Variants in GMDS observed in about 807,000 individuals in gnomAD.
The protein encoded by GMDS is GDP-mannose 4,6-dehydratase.
GMDS carries 20 observed loss-of-function variants against 49.9 expected under a neutral mutation model. The observed-to-expected ratio is 0.40, with a 90% confidence interval of 0.28 to 0.58. The LOEUF (loss-of-function observed/expected upper bound fraction) is 0.58, where lower values mean the gene tolerates loss of function less well. Ranked by LOEUF, GMDS falls within the 20% of genes least tolerant of loss-of-function variation. The probability of loss-of-function intolerance (pLI) is 0.42; values close to 1 mark genes in which losing one functional copy is unlikely to be tolerated. For missense variants in GMDS, 362 were observed against 481.4 expected (o/e 0.75, Z 2.32); for synonymous variants, 177 against 178.6 (o/e 0.99, Z 0.07).
At chr6:1,876,771 T>C (rs1759089563) in intron 7 of GMDS, among the ~76,000 whole-genome samples, 1 of 152,252 alleles carries the variant, frequency 6.6e-6, no homozygotes, top group Admixed American at 6.5e-5. Flanking sequence ...ATTTGGAATA[T>C]ACCATAAAAT....
chr6:1,933,756 C>A (rs1306290695), intron 6 of GMDS, among the ~76,000 whole-genome samples: 1 of 152,170 alleles, frequency 6.6e-6, no homozygotes, highest in Non-Finnish European at 1.5e-5. Flanking sequence ...ATTCTTTATA[C>A]ATTCTGGATC....
chr6:1,858,462 A>G (rs1758037946), intron 7 of GMDS, among the ~76,000 whole-genome samples: 1 of 152,218 alleles, frequency 6.6e-6, no homozygotes, highest in African/African-American at 2.4e-5. Flanking sequence ...AAAACCTTTC[A>G]ATAACAATGC....
At chr6:1,839,808 T>A (rs1415357567) in intron 7 of GMDS, among the ~76,000 whole-genome samples, 1 of 151,956 alleles carries the variant, frequency 6.6e-6, no homozygotes, top group Admixed American at 6.6e-5. Context: ...CAGTGATGAG[T>A]GTGAGGAGCA....
At chr6:2,102,297 A>G (rs1375222882) in intron 4 of GMDS, among the ~76,000 whole-genome samples, 1 of 152,184 alleles carries the variant, frequency 6.6e-6, no homozygotes, top group African/African-American at 2.4e-5. Context: ...AAATGTTATT[A>G]ATTATCCAAC....
chr6:1,655,275 G>C (rs7769708), intron 9 of GMDS, among the ~76,000 whole-genome samples: 5 of 151,972 alleles, frequency 3.3e-5, no homozygotes, highest in Admixed American at 1.3e-4. Flanking sequence ...GTTACATCAC[G>C]GGAACTGGGT....
At chr6:1,835,015 TTTAA>T (rs1756858294) in intron 7 of GMDS, among the ~76,000 whole-genome samples, 1 of 152,212 alleles carries the variant, frequency 6.6e-6, no homozygotes, top group Non-Finnish European at 1.5e-5. Context: ...TTTACCACAG[TTTAA>T]TTATTTTTTT....
chr6:2,175,900 C>G lies in GMDS; in HGVS notation c.103-51169G>C, dbSNP rs1292540099. The G allele has an allele frequency of 3.6e-6, 4 of 1,110,776 alleles. No homozygotes were observed. In the South Asian group the frequency reaches 5.3e-5, roughly 15 times the overall value. The allele number at this position is 1,110,776 out of a possible 1,614,324, so 68.8% of individuals were successfully genotyped here. On this transcript the variant is annotated intron_variant, in intron 1 of 10. Transcript: ENST00000380815. ...ATCAGGCTTGTGGCACTATGATTAG[C>G]CCCATTTTATAAGGTAATACTATTT...
At chr6:1,710,145 T>G (rs1405394514) in intron 9 of GMDS, among the ~76,000 whole-genome samples, 1 of 152,230 alleles carries the variant, frequency 6.6e-6, no homozygotes, top group Non-Finnish European at 1.5e-5. Flanking sequence ...TCACTGCTTG[T>G]CAACACTGCT....
chr6:1,994,868 T>C (rs996139346), intron 4 of GMDS, among the ~76,000 whole-genome samples: 3 of 152,044 alleles, frequency 2.0e-5, no homozygotes, highest in African/African-American at 7.3e-5. Context: ...AAAAGTCATA[T>C]GGAAATCACT....
chr6:1,662,025 T>C (rs1037590135), intron 9 of GMDS, among the ~76,000 whole-genome samples: 3 of 151,876 alleles, frequency 2.0e-5, no homozygotes, highest in African/African-American at 7.3e-5. Flanking sequence ...GAGTCACAAA[T>C]GGCGACTCGC....
intron 9 of GMDS, among the ~76,000 whole-genome samples, chr6:1,708,378 G>C (rs1765815696): frequency 6.6e-6 from 1 of 152,182 alleles, no homozygotes; most frequent in Non-Finnish European, 1.5e-5. Flanking sequence ...AGGGAAGGCG[G>C]GTAGGGGGCT....
chr6:1,843,910 C>T (rs1465302285), intron 7 of GMDS, among the ~76,000 whole-genome samples: 4 of 152,274 alleles, frequency 2.6e-5, no homozygotes, highest in African/African-American at 7.2e-5. Flanking sequence ...GAGGCCATAG[C>T]GTCTGCATGA....
chr6:1,896,962 C>T (rs1165712654), intron 7 of GMDS, among the ~76,000 whole-genome samples: 1 of 152,180 alleles, frequency 6.6e-6, no homozygotes, highest in African/African-American at 2.4e-5. Context: ...GAGGGCAGGA[C>T]TCTAGGCTGA....
intron 8 of GMDS, among the ~76,000 whole-genome samples, chr6:1,741,788 AGC>A (rs1767279071): frequency 7.8e-6 from 1 of 127,962 alleles, no homozygotes; most frequent in Non-Finnish European, 1.6e-5. Context: ...CTCCAGCCTG[AGC>A]AACAGAGCAA....
At chr6:1,917,181 G>A (rs1349097089) in intron 7 of GMDS, among the ~76,000 whole-genome samples, 7 of 152,030 alleles carry the variant, frequency 4.6e-5, no homozygotes, top group South Asian at 2.1e-4. Flanking sequence ...AGAGGAATAC[G>A]TTTGCTACAC....
intron 1 of GMDS, among the ~76,000 whole-genome samples, chr6:2,135,335 T>C (rs1207299609): frequency 6.6e-6 from 1 of 152,174 alleles, no homozygotes; most frequent in East Asian, 1.9e-4. Context: ...CTGTGTGTAT[T>C]TGTGTATCCG....
At chr6:1,973,129 G>A (rs1231433648) in intron 4 of GMDS, among the ~76,000 whole-genome samples, 1 of 152,172 alleles carries the variant, frequency 6.6e-6, no homozygotes, top group African/African-American at 2.4e-5. Flanking sequence ...TTTGAAATCT[G>A]CACGTGTGTG....
chr6:1,810,167 G>A (rs771368516), intron 7 of GMDS, among the ~76,000 whole-genome samples: 17 of 152,154 alleles, frequency 1.1e-4, no homozygotes, highest in Middle Eastern at 3.2e-3. Flanking sequence ...GGCTAACTGC[G>A]TATGTCACTG....
At chr6:1,675,990 C>T (rs182246346) in intron 9 of GMDS, among the ~76,000 whole-genome samples, 2 of 152,216 alleles carry the variant, frequency 1.3e-5, no homozygotes, top group East Asian at 3.9e-4. Flanking sequence ...TGGACACATA[C>T]ACCCTCTCAA....
Sources: gnomAD v4.1 joint callset for allele counts (sites outside exome capture counted in the v4.1 genomes callset) on GRCh38, gnomAD v4.1.1 for gene constraint, MANE v1.5 for transcripts, NCBI Gene and HGNC (gene_info 2026-07-23, HGNC 2026-07-21) for gene names.